TBC1D5: variants seen among roughly 807,000 people sequenced by gnomAD.
TBC1D5 encodes TBC1 domain family, member 5.
TBC1D5 carries 75 observed loss-of-function variants against 100.3 expected under a neutral mutation model. That is an observed-to-expected ratio of 0.75 (90% CI 0.62 to 0.91). TBC1D5 has a LOEUF of 0.91. Among genes scored for constraint, TBC1D5 ranks in the 40% least tolerant of loss-of-function variants. The pLI, the probability that TBC1D5 is intolerant of heterozygous loss-of-function variation, is 0.00. For synonymous variants in TBC1D5, 323 were observed against 325.6 expected (o/e 0.99, Z 0.09); for missense variants, 910 against 942.4 (o/e 0.97, Z 0.45).
At chr3:17,405,662 T>C (rs536023562) in intron 5 of TBC1D5, among the ~76,000 whole-genome samples, 1 of 152,170 alleles carries the variant, frequency 6.6e-6, no homozygotes, top group East Asian at 1.9e-4. Context: ...AATGCCTGCA[T>C]CTAAAAGAAG....
intron 4 of TBC1D5, among the ~76,000 whole-genome samples, chr3:17,414,342 T>C (rs2094009891): frequency 2.6e-5 from 4 of 152,312 alleles, no homozygotes; most frequent in African/African-American, 9.6e-5. Flanking sequence ...ATTGCCATAT[T>C]TAGTATGATC....
intron 13 of TBC1D5, among the ~76,000 whole-genome samples, chr3:17,310,270 T>C (rs967867173): frequency 2.6e-5 from 4 of 152,258 alleles, no homozygotes; most frequent in Admixed American, 1.3e-4. Context: ...TAATCTACAC[T>C]GAATAAAATA....
intron 1 of TBC1D5, chr3:17,646,956 C>T (rs2065072717): frequency 1.3e-5 from 2 of 152,194 alleles, no homozygotes; most frequent in Non-Finnish European, 2.9e-5. Flanking sequence ...TCCATGCATA[C>T]ATACCCACTG....
intron 1 of TBC1D5, among the ~76,000 whole-genome samples, chr3:17,630,463 A>C (rs917982312): frequency 3.3e-5 from 5 of 152,048 alleles, no homozygotes; most frequent in African/African-American, 1.2e-4. Flanking sequence ...GTGGCCTTTG[A>C]TGTTACTATT....
intron 1 of TBC1D5, among the ~76,000 whole-genome samples, chr3:17,722,614 A>G (rs1056223442): frequency 5.3e-5 from 8 of 152,232 alleles, no homozygotes; most frequent in Non-Finnish European, 8.8e-5. Flanking sequence ...GAACCCACTC[A>G]GAGTCATACA....
intron 2 of TBC1D5, among the ~76,000 whole-genome samples, chr3:17,568,557 A>C (rs933193448): frequency 6.6e-6 from 1 of 151,678 alleles, no homozygotes; most frequent in African/African-American, 2.4e-5. Flanking sequence ...TGATTATACT[A>C]AATCTCCCTT....
At chr3:17,359,260 A>T (rs1168250839) in intron 13 of TBC1D5, among the ~76,000 whole-genome samples, 1 of 152,142 alleles carries the variant, frequency 6.6e-6, no homozygotes, top group Admixed American at 6.5e-5. Context: ...GTAATAAATG[A>T]CAATTTTTCT....
intron 2 of TBC1D5, among the ~76,000 whole-genome samples, chr3:17,591,140 G>A (rs543550794): frequency 4.3e-4 from 64 of 147,376 alleles, no homozygotes; most frequent in African/African-American, 1.5e-3. Flanking sequence ...GGAGGCTGAG[G>A]CAGGAGAATG....
At chr3:17,624,796 T>C (rs973101828) in intron 1 of TBC1D5, among the ~76,000 whole-genome samples, 26 of 152,074 alleles carry the variant, frequency 1.7e-4, no homozygotes, top group Admixed American at 3.9e-4. Context: ...AAAGACCCTG[T>C]TCAAAATGCA....
chr3:17,516,573 A>G (rs2095991417), intron 2 of TBC1D5, among the ~76,000 whole-genome samples: 1 of 152,192 alleles, frequency 6.6e-6, no homozygotes, highest in African/African-American at 2.4e-5. Context: ...TATATAAACT[A>G]TTATCCTTAT....
intron 8 of TBC1D5, among the ~76,000 whole-genome samples, chr3:17,398,576 A>G (rs2093567699): frequency 6.6e-6 from 1 of 152,190 alleles, no homozygotes; most frequent in South Asian, 2.1e-4. Flanking sequence ...TTCACAATCA[A>G]TGATCATTTA....
chr3:17,420,215 A>T (rs2094175535), intron 4 of TBC1D5, among the ~76,000 whole-genome samples: 2 of 152,202 alleles, frequency 1.3e-5, no homozygotes, highest in East Asian at 1.9e-4. Context: ...AACAAAAAAA[A>T]AAAATAAAGA....
intron 1 of TBC1D5, among the ~76,000 whole-genome samples, chr3:17,676,732 T>C (rs2068690668): frequency 6.6e-6 from 1 of 152,112 alleles, no homozygotes; most frequent in Non-Finnish European, 1.5e-5. Context: ...GGAGGCATCA[T>C]GCTACCTGAC....
chr3:17,657,978 T>C (rs548349853), intron 1 of TBC1D5, among the ~76,000 whole-genome samples: 1 of 152,366 alleles, frequency 6.6e-6, no homozygotes, highest in African/African-American at 2.4e-5. Flanking sequence ...ATTATAATAC[T>C]GTAATTTTAC....
intron 16 of TBC1D5, 134 bp downstream of exon 16, chr3:17,258,372 A>C: frequency 1.2e-6 from 1 of 825,552 alleles, no homozygotes; most frequent in Non-Finnish European, 1.9e-6. Flanking sequence ...AACTTGGGTA[A>C]TTTATTTAAC....
chr3:17,579,307 C>T (rs757573708), intron 2 of TBC1D5, among the ~76,000 whole-genome samples: 15 of 151,970 alleles, frequency 9.9e-5, no homozygotes, highest in Admixed American at 2.0e-4. Flanking sequence ...ATGTGTTTTA[C>T]ACAGGTGAAT....
chr3:17,499,450 G>A (rs1037208337), intron 3 of TBC1D5, among the ~76,000 whole-genome samples: 2 of 135,264 alleles, frequency 1.5e-5, no homozygotes, highest in African/African-American at 6.7e-5. Context: ...GCTCACACCT[G>A]TAATCTCAGC....
chr3:17,704,992 G>A (rs1159403747), intron 1 of TBC1D5, among the ~76,000 whole-genome samples: 18 of 123,406 alleles, frequency 1.5e-4, no homozygotes, highest in Admixed American at 3.0e-4. Flanking sequence ...GCGGCTGGCC[G>A]GGCGGAGGGC....
intron 19 of TBC1D5, among the ~76,000 whole-genome samples, chr3:17,174,874 G>T (rs2067551800): frequency 6.6e-6 from 1 of 152,176 alleles, no homozygotes; most frequent in Admixed American, 6.5e-5. Context: ...TTACAGACAT[G>T]AGCCACCATG....
Sources: gnomAD v4.1 joint callset for allele counts (sites outside exome capture counted in the v4.1 genomes callset) on GRCh38, gnomAD v4.1.1 for gene constraint, MANE v1.5 for transcripts, NCBI Gene and HGNC (gene_info 2026-07-23, HGNC 2026-07-21) for gene names.